KIAA0319L: variants seen among roughly 807,000 people sequenced by gnomAD.
KIAA0319L encodes the protein KIAA0319 like, also known as dyslexia-associated protein KIAA0319-like protein.
In KIAA0319L, 55 loss-of-function variants were observed where a neutral mutation model predicts 120.1. The observed-to-expected ratio is 0.46, with a 90% CI of 0.37 to 0.57. The LOEUF (loss-of-function observed/expected upper bound fraction) is 0.57. Ranked by LOEUF, KIAA0319L falls within the 20% of genes least tolerant of loss-of-function variation. KIAA0319L has a pLI of 0.00. For synonymous variants in KIAA0319L, 398 were observed against 471.9 expected (o/e 0.84, Z 2.03); for missense variants, 1,049 against 1,255.3 (o/e 0.84, Z 2.48).
chr1:35,521,156 C>T (rs1040670982), intron 2 of KIAA0319L, among the ~76,000 whole-genome samples: 4 of 151,888 alleles, frequency 2.6e-5, no homozygotes, highest in South Asian at 2.1e-4. Context: ...GCTTGGCCAA[C>T]ACAGTGAAAC....
chr1:35,524,594 AC>A (rs1180165253), intron 2 of KIAA0319L, among the ~76,000 whole-genome samples: 1 of 152,212 alleles, frequency 6.6e-6, no homozygotes, highest in East Asian at 1.9e-4. Flanking sequence ...AGAACTTAGT[AC>A]TGGGTGAGAT....
intron 16 of KIAA0319L, among the ~76,000 whole-genome samples, chr1:35,447,107 C>T (rs1027691398): frequency 5.3e-5 from 8 of 152,052 alleles, no homozygotes; most frequent in Non-Finnish European, 1.2e-4. Flanking sequence ...ATTTCTTCTC[C>T]TCTTCTTCCA....
intron 2 of KIAA0319L, among the ~76,000 whole-genome samples, chr1:35,518,087 C>T (rs946496791): frequency 7.9e-5 from 12 of 152,182 alleles, no homozygotes; most frequent in African/African-American, 2.2e-4. Context: ...GGCAAGATTG[C>T]GGAGAAAAGG....
chr1:35,531,531 T>A (rs1385669434), intron 2 of KIAA0319L, among the ~76,000 whole-genome samples: 1 of 152,192 alleles, frequency 6.6e-6, no homozygotes, highest in African/African-American at 2.4e-5. Context: ...TCAGTGTGCA[T>A]TCCCTTTCTG....
chr1:35,467,395 A>G (rs572997511), intron 6 of KIAA0319L, among the ~76,000 whole-genome samples: 1 of 139,218 alleles, frequency 7.2e-6, no homozygotes, highest in Non-Finnish European at 1.7e-5. Flanking sequence ...TATCACTATC[A>G]TAACACATCA....
chr1:35,456,250 G>A lies in KIAA0319L; in HGVS notation c.1428-9C>T, dbSNP rs753525149. The A allele has an allele frequency of 6.6e-7, 1 of 1,515,016 alleles. No individual in the cohort carries two copies. The highest frequency in any genetic ancestry group is 9.0e-7 in the Non-Finnish European group (1 of 1,115,782). The allele number at this position is 1,515,016 out of a possible 1,614,324, so 93.8% of individuals were successfully genotyped here. A position where few individuals can be genotyped will look rare whatever the true frequency, so the allele number is the denominator to read the frequency against. Reference sequence around the variant, plus strand: ...AGTCTACTACAGTCAAGCTATCAGGGCAGAGAGAGGAGTGTGATCAGGGAC... The same window carrying A: ...AGTCTACTACAGTCAAGCTATCAGGACAGAGAGAGGAGTGTGATCAGGGAC... On this transcript the variant is annotated splice_polypyrimidine_tract_variant and intron_variant, in intron 9 of 20. Coordinates refer to ENST00000325722, the MANE Select transcript of KIAA0319L (RefSeq NM_024874.5).
chr1:35,515,840 A>C (rs533055628), intron 2 of KIAA0319L, among the ~76,000 whole-genome samples: 107 of 152,302 alleles, frequency 7.0e-4, no homozygotes, highest in Non-Finnish European at 1.4e-3. Flanking sequence ...GGATATCCAA[A>C]TAAACACAAT....
At chr1:35,461,322 C>T (rs1442039879) in intron 8 of KIAA0319L, among the ~76,000 whole-genome samples, 2 of 152,100 alleles carry the variant, frequency 1.3e-5, no homozygotes, top group African/African-American at 2.4e-5. Flanking sequence ...CAAAATTAGC[C>T]AGGCTTGATG....
At chr1:35,535,096 TAAAAAAAA>T (rs56965473) in intron 2 of KIAA0319L, among the ~76,000 whole-genome samples, 7 of 56,330 alleles carry the variant, frequency 1.2e-4, no homozygotes, top group Non-Finnish European at 2.9e-4. Flanking sequence ...GACTCCGTCT[TAAAAAAAA>T]AAAAAAAAAA....
At position 35,539,877 on chromosome 1, in the gene KIAA0319L, T is replaced by C. The variant is rs114234213; in HGVS notation, c.142+14473A>G. ...CCTCTTGAAATGGTGAACTTGAATCTGAAATTAAGGCTACAGAAGTGAAAC... is the reference window on the plus strand; with the variant it reads ...CCTCTTGAAATGGTGAACTTGAATCCGAAATTAAGGCTACAGAAGTGAAAC... On this transcript the variant is annotated intron_variant, in intron 2 of 20. Transcript: ENST00000325722. Among the ~76,000 whole-genome samples, 491 of 152,318 alleles carry C rather than the reference T, an allele frequency of 3.2e-3. 1 individual carries two copies. Among genetic ancestry groups the C allele is most frequent in the African/African-American group, 0.011 (470 of 41,568 alleles).
chr1:35,442,401 T>C lies in KIAA0319L; in HGVS notation c.2780-65A>G, dbSNP rs1484949726. The C allele has an allele frequency of 2.8e-5, 36 of 1,277,346 alleles. No individual in the cohort carries two copies. In the East Asian group the frequency reaches 7.4e-4, roughly 26 times the overall value. 79.1% of individuals were successfully genotyped at this position (1,277,346 alleles called of 1,614,324 possible). A position where few individuals can be genotyped will look rare whatever the true frequency, so the allele number is the denominator to read the frequency against. ...AGGCTGGGAGGGAGGTCTGGGCTGC[T>C]CCCAGCTTGGGCAGGTGTGGCTTCA... On this transcript the variant is annotated intron_variant, in intron 18 of 20. Transcript: ENST00000325722.
At chr1:35,480,011 A>C (rs561116035) in intron 3 of KIAA0319L, among the ~76,000 whole-genome samples, 1 of 137,798 alleles carries the variant, frequency 7.3e-6, no homozygotes, top group East Asian at 2.4e-4. Context: ...CCTTTGAGGG[A>C]GAAAGAGTAT....
At chr1:35,477,632 A>T (rs1276671618) in intron 4 of KIAA0319L, among the ~76,000 whole-genome samples, 1 of 143,916 alleles carries the variant, frequency 6.9e-6, no homozygotes, top group African/African-American at 2.6e-5. Context: ...GCGCCACTGC[A>T]CTCCAGCCTG....
chr1:35,506,851 GA>G lies in KIAA0319L; in HGVS notation c.426del (p.Leu143TyrfsTer12), dbSNP rs1230611536. On this transcript the variant is annotated frameshift_variant, in exon 3 of 21. Transcript: ENST00000325722. LOFTEE classifies it high-confidence loss of function. The surrounding 1 kb of genome is among the most constrained non-coding windows in gnomAD (Gnocchi z 4.0). ...KKFQTADDLGFLPEDDVPHLL... is the reference protein window; with the variant it reads ...KKFQTADDLGXLPEDDVPHLL... ...AGATGTGGTACATCATCTTCAGGTA[GA>G]AAGCCCAAATCATCTGCAGTTTGGA... 9.9e-6 allele frequency: 16 copies of G among 1,614,100 alleles called. No homozygotes were observed. The highest frequency in any genetic ancestry group is 1.7e-6 in the Non-Finnish European group (2 of 1,180,038).
intron 2 of KIAA0319L, among the ~76,000 whole-genome samples, chr1:35,509,410 G>A (rs543213150): frequency 1.4e-4 from 21 of 152,290 alleles, no homozygotes; most frequent in African/African-American, 4.3e-4. Context: ...AGGGACATTC[G>A]TAATTTTAAA....
chr1:35,449,997 T>C lies in KIAA0319L; in HGVS notation c.2223A>G (p.Leu741=). 6.2e-7 allele frequency: 1 copy of C among 1,614,184 alleles called. No homozygotes were observed. The highest frequency in any genetic ancestry group is 1.1e-5 in the South Asian group (1 of 91,078). The part of the protein sequence containing the change: ...DEGSPAAGEV[L]NHSDHHPILF... ...GGATAGGGTGATGGTCAGAGTGATTTAACACCTCCTGTAGGGTTGAACAAC... is the reference window on the plus strand; with the variant it reads ...GGATAGGGTGATGGTCAGAGTGATTCAACACCTCCTGTAGGGTTGAACAAC... Residue 741 remains leucine, a synonymous_variant, in exon 15 of 21, where the codon TTA becomes TTG. Coordinates refer to ENST00000325722, the MANE Select transcript of KIAA0319L (RefSeq NM_024874.5).
chr1:35,516,750 C>A (rs185693168), intron 2 of KIAA0319L, among the ~76,000 whole-genome samples: 47 of 152,108 alleles, frequency 3.1e-4, no homozygotes, highest in Admixed American at 1.1e-3. Flanking sequence ...AAATAGGAGG[C>A]GAGGAAGTCC....
chr1:35,553,577 T>C (rs1647475180), intron 2 of KIAA0319L, among the ~76,000 whole-genome samples: 1 of 152,262 alleles, frequency 6.6e-6, no homozygotes, highest in Non-Finnish European at 1.5e-5. Context: ...GGCTGATTAG[T>C]TATCCCAGAT....
intron 2 of KIAA0319L, among the ~76,000 whole-genome samples, chr1:35,532,424 T>C (rs1039384149): frequency 9.9e-5 from 15 of 152,226 alleles, no homozygotes; most frequent in African/African-American, 3.6e-4. Context: ...CATAGTTCTT[T>C]GTCTTAGGTG....
Sources: gnomAD v4.1 joint callset for allele counts (sites outside exome capture counted in the v4.1 genomes callset) on GRCh38, gnomAD v4.1.1 for gene constraint, Gnocchi (gnomAD v3.1) non-coding constraint, MANE v1.5 for transcripts, NCBI Gene and HGNC (gene_info 2026-07-23, HGNC 2026-07-21) for gene names.